Variants in LSS observed in about 807,000 individuals in gnomAD.
LSS encodes the protein lanosterol synthase.
LSS carries 90 observed loss-of-function variants against 110.3 expected under a neutral mutation model. The observed-to-expected ratio is 0.82, with a 90% CI of 0.69 to 0.97. The LOEUF (loss-of-function observed/expected upper bound fraction) is 0.97, where lower values mean the gene tolerates loss of function less well. LSS is among the 50% of genes least tolerant of loss of function. LSS has a pLI of 0.00. For missense variants in LSS, 927 were observed against 990.0 expected (o/e 0.94, Z 0.85); for synonymous variants, 433 against 400.0 (o/e 1.08, Z -0.98).
chr21:46,207,216 C>T (rs777382000), intron 15 of LSS, among the ~76,000 whole-genome samples: 2 of 152,250 alleles, frequency 1.3e-5, no homozygotes, highest in Admixed American at 6.5e-5. Flanking sequence ...ACACCAGCTC[C>T]GCAGTGCAGG....
At chr21:46,215,417 C>A (rs1326937324) in intron 8 of LSS, 119 bp from the exon 9 acceptor site, 1 of 673,424 alleles carries the variant, frequency 1.5e-6, no homozygotes, top group Non-Finnish European at 2.6e-6. Context: ...CACCCACCCC[C>A]AGGCCTGGTC....
At chr21:46,192,511 C>T (rs1279450569) in intron 20 of LSS, 1 of 455,802 alleles carries the variant, frequency 2.2e-6, no homozygotes, top group African/African-American at 2.0e-5. Context: ...GTTGCGGGTG[C>T]ATCTGTATGT....
rs140511660 is a variant in LSS, at chr21:46,213,033, T to C, written c.1129A>G (p.Lys377Glu). 44 of 1,613,868 alleles carry C rather than the reference T, an allele frequency of 2.7e-5. No individual in the cohort carries two copies. The highest frequency in any genetic ancestry group is 3.6e-5 in the Non-Finnish European group (42 of 1,180,034). The change falls in exon 11 of 22, where the codon AAA becomes GAA. Residue 377 changes from lysine (K) to glutamate (E), a missense_variant. Lys to Glu is a moderately conservative substitution (Grantham distance 56). Coordinates refer to ENST00000397728, the MANE Select transcript of LSS (RefSeq NM_002340.6). ...AGTCCCGCAGCCCTTACCTGCATTT[T>C]CATGCCGTCAAGGCCCATCCTGTGA... ...DYLWMGLDGM[K>E]MQGTNGSQIW...
chr21:46,203,815 C>T (rs1202340505), intron 17 of LSS, among the ~76,000 whole-genome samples: 2 of 152,226 alleles, frequency 1.3e-5, no homozygotes, highest in African/African-American at 4.8e-5. Flanking sequence ...CCACATAACT[C>T]ATGGGCCAGA....
intron 14 of LSS, 40 bp from the exon 15 acceptor site, chr21:46,207,617 A>G: frequency 6.3e-7 from 1 of 1,593,862 alleles, no homozygotes; most frequent in Non-Finnish European, 8.5e-7. Context: ...GGGGGTGTCC[A>G]CACCCCAGTT....
intron 5 of LSS, 176 bp downstream of exon 5, chr21:46,221,678 A>T: frequency 2.2e-6 from 2 of 919,462 alleles, no homozygotes; most frequent in Admixed American, 2.8e-5. Context: ...TTGCTTTTTT[A>T]AAAAATGATG....
Position 46,219,471 on chromosome 21 carries a change from C to G in LSS, c.647+5G>C, listed in dbSNP as rs565796241. 1 of 1,581,576 alleles carries G rather than the reference C, an allele frequency of 6.3e-7. No homozygotes were observed. The highest frequency in any genetic ancestry group is 2.4e-5 in the East Asian group (1 of 42,452). On this transcript the variant is annotated splice_donor_5th_base_variant and intron_variant, in intron 6 of 21. Coordinates refer to ENST00000397728, the MANE Select transcript of LSS (RefSeq NM_002340.6). ...ACCCAACAACCCAATCAACAGCAGA[C>G]ATACCACATCTCTGGGAACAGGGTA...
intron 17 of LSS, among the ~76,000 whole-genome samples, chr21:46,198,194 G>T (rs1205095685): frequency 1.3e-5 from 2 of 151,826 alleles, no homozygotes; most frequent in Non-Finnish European, 2.9e-5. Context: ...TTAAGCCCAG[G>T]AGTTTGAGGC....
intron 12 of LSS, among the ~76,000 whole-genome samples, chr21:46,210,378 G>C (rs1157997960): frequency 6.6e-6 from 1 of 151,996 alleles, no homozygotes; most frequent in Non-Finnish European, 1.5e-5. Context: ...AGCAGTTCCA[G>C]TTCTAAGAAG....
chr21:46,221,905 C>T lies in LSS; in HGVS notation c.499G>A (p.Gly167Arg). Residue 167 changes from glycine to arginine, a missense_variant, in exon 5 of 22, where the codon GGG (glycine) becomes AGG (arginine). By Grantham distance (125) the Gly-to-Arg change is moderately radical (BLOSUM62 -2). Transcript: ENST00000397728. ...CGTACCAGGTCAGGATCGTCAGGCCCAACACCCAGAATTCTGAGAGACACA... is the reference window on the plus strand; with the variant it reads ...CGTACCAGGTCAGGATCGTCAGGCCTAACACCCAGAATTCTGAGAGACACA... ...NYVSLRILGV[G>R]PDDPDLVRAR... The T allele has an allele frequency of 6.2e-7, 1 of 1,614,144 alleles. No homozygotes were observed. Among genetic ancestry groups the T allele is most frequent in the Non-Finnish European group, 8.5e-7 (1 of 1,180,018 alleles).
chr21:46,222,006 G>T, intron 4 of LSS, 31 bp from the exon 5 acceptor site: 2 of 1,611,914 alleles, frequency 1.2e-6, no homozygotes, highest in African/African-American at 1.3e-5. Flanking sequence ...TGAGAAACCG[G>T]TATCTGTCCT....
At chr21:46,196,600 A>T (rs2079912937) in intron 17 of LSS, among the ~76,000 whole-genome samples, 1 of 152,250 alleles carries the variant, frequency 6.6e-6, no homozygotes, top group Non-Finnish European at 1.5e-5. Flanking sequence ...AAATAAAAAC[A>T]GGAAAAAATC....
chr21:46,206,647 G>T, intron 16 of LSS, 25 bp downstream of exon 16: 1 of 1,593,152 alleles, frequency 6.3e-7, no homozygotes, highest in Non-Finnish European at 8.6e-7. Flanking sequence ...GGGTTTGCGC[G>T]CCGCAGTGCT....
chr21:46,221,744 C>A, intron 5 of LSS, 110 bp downstream of exon 5: 1 of 1,495,280 alleles, frequency 6.7e-7, no homozygotes, highest in Non-Finnish European at 9.2e-7. Context: ...TGCTCATGTG[C>A]TTTTGCCCAC....
intron 7 of LSS, 143 bp from the exon 8 acceptor site, chr21:46,215,936 C>A: frequency 1.7e-6 from 1 of 603,826 alleles, no homozygotes. Flanking sequence ...GCAACTGACC[C>A]CGAGGCCACA....
chr21:46,194,771 G>A, intron 19 of LSS, 110 bp from the exon 20 acceptor site: 4 of 1,090,134 alleles, frequency 3.7e-6, no homozygotes, highest in African/African-American at 1.6e-5. Context: ...TGCACGATGG[G>A]GCCACCCTAC....
At chr21:46,223,400 A>G (rs540194102) in intron 3 of LSS, among the ~76,000 whole-genome samples, 32 of 152,166 alleles carry the variant, frequency 2.1e-4, no homozygotes, top group African/African-American at 7.5e-4. Flanking sequence ...CTGGCACGGG[A>G]CAGGTCTCAG....
chr21:46,214,913 G>A (rs1462371705), intron 9 of LSS, among the ~76,000 whole-genome samples: 3 of 152,124 alleles, frequency 2.0e-5, no homozygotes, highest in Non-Finnish European at 4.4e-5. Flanking sequence ...GGGCCTCTAG[G>A]AGAGTGTCCA....
At chr21:46,212,954 C>G in intron 11 of LSS, 71 bp downstream of exon 11, 1 of 1,593,582 alleles carries the variant, frequency 6.3e-7, no homozygotes, top group South Asian at 1.1e-5. Flanking sequence ...TTTCTGAACC[C>G]CAAAGGAAAA....
Sources: allele counts gnomAD v4.1 joint callset (sites outside exome capture counted in the v4.1 genomes callset), GRCh38; gene constraint gnomAD v4.1.1; transcripts MANE v1.5; gene names NCBI Gene and HGNC (gene_info 2026-07-23, HGNC 2026-07-21).